The following ACSS2 variants were observed in gnomAD, a reference collection of about 807,000 sequenced individuals.
ACSS2 encodes the protein acetyl-coenzyme A synthetase, cytoplasmic.
ACSS2 carries 58 observed loss-of-function variants against 90.6 expected under a neutral mutation model. The observed-to-expected ratio is 0.64, with a 90% CI of 0.52 to 0.80. The LOEUF is 0.80. ACSS2 is among the 30% of genes least tolerant of loss of function. The pLI is 0.00. For missense variants in ACSS2, 759 were observed against 912.0 expected, an observed-to-expected ratio of 0.83 and a Z score of 2.16; for synonymous variants, 300 against 330.9, an observed-to-expected ratio of 0.91 and a Z score of 1.01.
chr20:34,908,052 A>G lies in ACSS2; in HGVS notation c.375-5044A>G, dbSNP rs1216235649. Among the ~76,000 whole-genome samples the G allele has an allele frequency of 2.0e-5, 3 of 152,212 alleles. No individual in the cohort carries two copies. The East Asian group carries it at 5.8e-4, about 29-fold the overall frequency. On this transcript the variant is annotated intron_variant, in intron 2 of 17. Coordinates refer to ENST00000360596, the MANE Select transcript of ACSS2 (RefSeq NM_018677.4). Reference sequence around the variant, plus strand: ...TCTGCCACTTATTATTGTGTGACCAATAATCTCTCTAGGTTTCAGTTACCT... The same window carrying G: ...TCTGCCACTTATTATTGTGTGACCAGTAATCTCTCTAGGTTTCAGTTACCT...
chr20:34,876,911 G>C lies in ACSS2; in HGVS notation c.178+88G>C, dbSNP rs2079928432. ...GAGTCGGGGGCTCCCTTGGGAAGCT[G>C]AGGGGTGGGTGAGGAGATGGAGGTT... On this transcript the variant is annotated intron_variant, in intron 1 of 17. Transcript: ENST00000360596. 3 of 861,068 alleles carry C rather than the reference G, an allele frequency of 3.5e-6. No homozygotes were observed. In the South Asian group the frequency reaches 1.6e-4, roughly 45 times the overall value. The allele number at this position is 861,068 out of a possible 1,614,324, so 53.3% of individuals were successfully genotyped here.
At chr20:34,915,164 T>A in intron 7 of ACSS2, 1 of 1,597,032 alleles carries the variant, frequency 6.3e-7, no homozygotes, top group South Asian at 1.1e-5. Flanking sequence ...TTCCTCCCAC[T>A]CCCTGTATAC....
At chr20:34,896,761 AG>A (rs1319943443) in intron 2 of ACSS2, among the ~76,000 whole-genome samples, 1 of 152,242 alleles carries the variant, frequency 6.6e-6, no homozygotes, top group Non-Finnish European at 1.5e-5. Context: ...AGAAATAAAC[AG>A]GCTGGGCGTG....
intron 1 of ACSS2, among the ~76,000 whole-genome samples, chr20:34,881,686 T>C (rs2080075252): frequency 6.6e-6 from 1 of 152,246 alleles, no homozygotes; most frequent in South Asian, 2.1e-4. Context: ...TTTCAGATTT[T>C]AGCAAAAATG....
intron 14 of ACSS2, 113 bp from the exon 15 acceptor site, chr20:34,925,585 G>A: frequency 2.6e-6 from 3 of 1,174,944 alleles, no homozygotes; most frequent in Non-Finnish European, 2.4e-6. Context: ...GGGCAAGAGT[G>A]GAAGCAGGAA....
chr20:34,903,492 A>G (rs921986728), intron 2 of ACSS2, among the ~76,000 whole-genome samples: 1 of 152,172 alleles, frequency 6.6e-6, no homozygotes, highest in East Asian at 1.9e-4. Flanking sequence ...ATGAAGATAC[A>G]GATTTTTGAG....
At chr20:34,887,008 C>A (rs2080210867) in intron 2 of ACSS2, among the ~76,000 whole-genome samples, 1 of 152,216 alleles carries the variant, frequency 6.6e-6, no homozygotes, top group African/African-American at 2.4e-5. Context: ...AAAGTACTCC[C>A]ATTATCCAAA....
chr20:34,913,073 T>A, intron 2 of ACSS2, 23 bp from the exon 3 acceptor site: 1 of 1,584,350 alleles, frequency 6.3e-7, no homozygotes, highest in East Asian at 2.2e-5. Flanking sequence ...CCCTAATCAC[T>A]GGTTCTTTCT....
rs1347068266 is a variant in ACSS2 at position 34,921,685 on chromosome 20, G to C, written c.1467+85G>C. ...GGCCTAGTTAGATAGTGGAGAACTG[G>C]ACTGACATGTGTGAAGAATTTGGGG... is the stretch of plus-strand genomic sequence containing the variant. On this transcript the variant is annotated intron_variant, in intron 12 of 17. Transcript: ENST00000360596. The C allele has an allele frequency of 2.5e-6, 4 of 1,609,262 alleles. No individual in the cohort carries two copies. The Admixed American group carries it at 6.7e-5, about 27-fold the overall frequency.
chr20:34,892,115 T>C (rs1297197843), intron 2 of ACSS2, among the ~76,000 whole-genome samples: 1 of 152,234 alleles, frequency 6.6e-6, no homozygotes, highest in African/African-American at 2.4e-5. Flanking sequence ...CTTCAGAATT[T>C]CTGTCACAAA....
At chr20:34,913,311 T>C in intron 3 of ACSS2, 82 bp from the exon 4 acceptor site, 1 of 1,550,566 alleles carries the variant, frequency 6.4e-7, no homozygotes, top group Non-Finnish European at 8.9e-7. Context: ...ACAGGTCAGC[T>C]GGGAGGGAGG....
Position 34,927,273 on chromosome 20 carries a change from G to C in ACSS2, c.*59G>C. The C allele has an allele frequency of 3.1e-6, 5 of 1,602,072 alleles. No homozygotes were observed. The highest frequency in any genetic ancestry group is 3.4e-6 in the Non-Finnish European group (4 of 1,177,756). On this transcript the variant is annotated 3_prime_UTR_variant, in exon 18 of 18. Transcript: ENST00000360596. This position sits in a 1 kb window ranked among gnomAD's most constrained non-coding sequence, Gnocchi z 4.2. ...GCTCCAAACTTTGCCCATCCTCTTT[G>C]CCCCCTCAGGAGTGCTGAGGGCCAG...
chr20:34,899,032 A>G (rs1168228180), intron 2 of ACSS2, among the ~76,000 whole-genome samples: 1 of 152,210 alleles, frequency 6.6e-6, no homozygotes, highest in African/African-American at 2.4e-5. Context: ...CACCCTCCGC[A>G]GCTGCTGGCC....
At chr20:34,903,884 A>C (rs1026771663) in intron 2 of ACSS2, among the ~76,000 whole-genome samples, 20 of 151,888 alleles carry the variant, frequency 1.3e-4, no homozygotes, top group African/African-American at 4.6e-4. Context: ...AAAAAAAAAA[A>C]AAAAAAAAGT....
In ACSS2 at chr20:34,920,865, G is replaced by A. The variant is rs549024873; in HGVS notation, c.1144-141G>A. ...TGAGGGGGTTGCGTATCCTGACTAG[G>A]ATGGTATCTTGGCTTGTCTGGCCAG... On this transcript the variant is annotated intron_variant, in intron 9 of 17. Coordinates refer to ENST00000360596, the MANE Select transcript of ACSS2 (RefSeq NM_018677.4). 120 of 1,488,568 alleles carry A rather than the reference G, an allele frequency of 8.1e-5. 2 individuals are homozygous for A. In the South Asian group the frequency reaches 1.4e-3, roughly 18 times the overall value. 92.2% of individuals were successfully genotyped at this position (1,488,568 alleles called of 1,614,324 possible).
intron 9 of ACSS2, 34 bp downstream of exon 9, chr20:34,920,743 T>C: frequency 6.3e-7 from 1 of 1,587,912 alleles, no homozygotes; most frequent in Non-Finnish European, 8.6e-7. Flanking sequence ...AGCTGGGGGA[T>C]GGACAAGATT....
intron 7 of ACSS2, among the ~76,000 whole-genome samples, chr20:34,918,588 A>T (rs2081126152): frequency 6.6e-6 from 1 of 152,174 alleles, no homozygotes; most frequent in Non-Finnish European, 1.5e-5. Flanking sequence ...TGTCCCCTCA[A>T]GCAAAAGTCT....
chr20:34,904,572 C>A (rs1167278792), intron 2 of ACSS2, among the ~76,000 whole-genome samples: 2 of 152,098 alleles, frequency 1.3e-5, no homozygotes, highest in South Asian at 2.1e-4. Flanking sequence ...AGAAGGGTGA[C>A]ATAATCTGAA....
chr20:34,899,470 TC>T (rs1309291332), intron 2 of ACSS2, among the ~76,000 whole-genome samples: 1 of 107,702 alleles, frequency 9.3e-6, no homozygotes, highest in African/African-American at 3.5e-5. Context: ...TTCCTTCCTT[TC>T]TTTTTCTTTC....
Sources: allele counts gnomAD v4.1 joint callset (sites outside exome capture counted in the v4.1 genomes callset), GRCh38; gene constraint gnomAD v4.1.1; non-coding constraint Gnocchi (gnomAD v3.1); transcripts MANE v1.5; gene names NCBI Gene and HGNC (gene_info 2026-07-23, HGNC 2026-07-21).